Variants in CTDP1 observed in about 807,000 individuals in gnomAD.
The protein encoded by CTDP1 is CTD phosphatase 1.
Under a neutral mutation model 91.8 loss-of-function variants are expected in CTDP1, and 47 were observed. The ratio of observed to expected loss-of-function variants is 0.51; its 90% CI spans 0.41 to 0.65. CTDP1 has a LOEUF of 0.65. Ranked by LOEUF, CTDP1 falls within the 30% of genes least tolerant of loss-of-function variation. CTDP1 has a pLI of 0.00. For synonymous variants in CTDP1, 656 were observed against 598.5 expected, an observed-to-expected ratio of 1.10 and a Z score of -1.40; for missense variants, 1,272 against 1,373.7, an observed-to-expected ratio of 0.93 and a Z score of 1.17.
At chr18:79,731,421 G>A (rs762433035) in intron 11 of CTDP1, among the ~76,000 whole-genome samples, 18 of 152,292 alleles carry the variant, frequency 1.2e-4, no homozygotes, top group Admixed American at 2.6e-4. Context: ...ACTGACAAGG[G>A]CTTCCCCGCC....
intron 12 of CTDP1, 49 bp from the exon 13 acceptor site, chr18:79,753,603 C>T (rs771951720): frequency 7.4e-6 from 12 of 1,613,648 alleles, no homozygotes; most frequent in African/African-American, 6.7e-5. Flanking sequence ...GGTGACCCGG[C>T]GTTGTGCGTT....
At chr18:79,694,776 G>A (rs1055460596) in intron 1 of CTDP1, among the ~76,000 whole-genome samples, 1 of 152,222 alleles carries the variant, frequency 6.6e-6, no homozygotes, top group African/African-American at 2.4e-5. Context: ...TATATAAAAC[G>A]AACATTACAG....
rs761663035 is a variant in CTDP1, at chr18:79,714,835, G to A, written c.1375G>A (p.Glu459Lys). ...GGACTTTGACTTATCCAGCGACAGC[G>A]AGAGCAGCAGTGAGTCCGAGGGCAC... Reference protein sequence around the residue: ...DLDFDLSSDSESSSESEGTKS... With the variant: ...DLDFDLSSDSKSSSESEGTKS... The change falls in exon 8 of 13, where the codon GAG (glutamate) becomes AAG (lysine). Residue 459 changes from glutamate to lysine, a missense_variant. Coordinates refer to ENST00000613122, the MANE Select transcript of CTDP1 (RefSeq NM_004715.5). 1.3e-5 allele frequency: 20 copies of A among 1,598,388 alleles called. No homozygotes were observed. The highest frequency in any genetic ancestry group is 6.8e-5 in the South Asian group (6 of 88,752).
In CTDP1 at chr18:79,696,084, CA is replaced by C. The variant is rs774029298; in HGVS notation, c.492+15del. On this transcript the variant is annotated intron_variant, in intron 3 of 12. Coordinates refer to ENST00000613122, the MANE Select transcript of CTDP1 (RefSeq NM_004715.5). ...GTGAGCTCCGAGGTGAGCCGGGCAT[CA>C]GTGGCGGCGTGTTGGGGAAGCGTGG... 6.2e-7 allele frequency: 1 copy of C among 1,608,138 alleles called. No individual in the cohort carries two copies. The highest frequency in any genetic ancestry group is 8.5e-7 in the Non-Finnish European group (1 of 1,179,014).
intron 5 of CTDP1, among the ~76,000 whole-genome samples, chr18:79,707,143 T>C (rs957930289): frequency 1.3e-5 from 2 of 152,234 alleles, no homozygotes; most frequent in Admixed American, 6.5e-5. Flanking sequence ...GTTTAAATGC[T>C]TGGCTGGAGG....
chr18:79,718,106 G>C, intron 10 of CTDP1, 90 bp downstream of exon 10: 3 of 1,471,078 alleles, frequency 2.0e-6, no homozygotes, highest in Non-Finnish European at 2.8e-6. Flanking sequence ...TCAGTTGCCC[G>C]AAGTGAGGGC....
rs1298269356 is a variant in CTDP1 at position 79,697,982 on chromosome 18, G to C, written c.615G>C (p.Ser205=). Residue 205 remains serine (S), a synonymous_variant, in exon 4 of 13, where the codon TCG becomes TCC. Transcript: ENST00000613122. ...HTTEQHCQQM[S]NKGIFHFQLG... ...CCGAGCAGCACTGTCAGCAGATGTC[G>C]AATAAAGTGAGTGCAGTCAGCATCT... is the stretch of plus-strand genomic sequence containing the variant. 1.2e-6 allele frequency: 2 copies of C among 1,614,204 alleles called. No homozygotes were observed. The highest frequency in any genetic ancestry group is 4.5e-5 in the East Asian group (2 of 44,876).
intron 4 of CTDP1, among the ~76,000 whole-genome samples, chr18:79,704,524 G>A (rs141752632): frequency 2.6e-5 from 4 of 152,258 alleles, no homozygotes; most frequent in Admixed American, 6.5e-5. Context: ...GTGTGGAGGG[G>A]CGTGTACATG....
intron 11 of CTDP1, among the ~76,000 whole-genome samples, chr18:79,735,094 G>A (rs1439756791): frequency 1.3e-5 from 2 of 152,186 alleles, no homozygotes; most frequent in African/African-American, 4.8e-5. Flanking sequence ...CGGGGGCTGA[G>A]CTGTGATTTC....
rs1243651309 is a variant in CTDP1, at chr18:79,753,798, C to T, written c.*8C>T. The T allele has an allele frequency of 6.2e-7, 1 of 1,612,188 alleles. No individual in the cohort carries two copies. Among genetic ancestry groups the T allele is most frequent in the Non-Finnish European group, 8.5e-7 (1 of 1,179,768 alleles). ...CTCAACGACCTCATGTGAGCGCGGG[C>T]AGCGGGCAGGGACTGAAGCCTGACC... On this transcript the variant is annotated 3_prime_UTR_variant, in exon 13 of 13. Transcript: ENST00000613122.
At chr18:79,710,502 T>C in intron 6 of CTDP1, 66 bp downstream of exon 6, 1 of 1,260,570 alleles carries the variant, frequency 7.9e-7, no homozygotes, top group Non-Finnish European at 1.2e-6. Context: ...AAATCGCATC[T>C]TGAAATTTAG....
intron 1 of CTDP1, chr18:79,681,519 T>G (rs2085368301): frequency 1.0e-6 from 1 of 983,850 alleles, no homozygotes; most frequent in South Asian, 4.7e-5. Flanking sequence ...CCTAGACAGG[T>G]GAGTAACTTG....
chr18:79,692,933 A>G (rs2085654741), intron 1 of CTDP1, among the ~76,000 whole-genome samples: 1 of 152,098 alleles, frequency 6.6e-6, no homozygotes. Context: ...GGACTGGGGG[A>G]GCAGTGCCCA....
In CTDP1 at chr18:79,753,947, A is replaced by G; in HGVS notation, c.*157A>G. ...CAGAAACACATTATTTTGCAGAAAT[A>G]GGTGTTTTTAAGAAGTTTTACTACA... is the stretch of plus-strand genomic sequence containing the variant. On this transcript the variant is annotated 3_prime_UTR_variant, in exon 13 of 13. Transcript: ENST00000613122. 1.9e-6 allele frequency: 2 copies of G among 1,073,406 alleles called. No individual in the cohort carries two copies. The allele number at this position is 1,073,406 out of a possible 1,614,324, so 66.5% of individuals were successfully genotyped here.
intron 1 of CTDP1, among the ~76,000 whole-genome samples, chr18:79,690,059 A>G (rs1437266206): frequency 6.6e-6 from 1 of 152,152 alleles, no homozygotes; most frequent in Non-Finnish European, 1.5e-5. Flanking sequence ...TAGAAACCCA[A>G]GGTCTAGGTG....
intron 5 of CTDP1, among the ~76,000 whole-genome samples, chr18:79,707,498 G>A (rs951726657): frequency 6.6e-6 from 1 of 152,238 alleles, no homozygotes; most frequent in Non-Finnish European, 1.5e-5. Flanking sequence ...TTTGTTGAGC[G>A]TCACCGGGCC....
chr18:79,695,152 A>G, intron 1 of CTDP1, 73 bp from the exon 2 acceptor site: 1 of 1,432,172 alleles, frequency 7.0e-7, no homozygotes, highest in Non-Finnish European at 9.8e-7. Flanking sequence ...CTAGATTTTA[A>G]AATTCTTACT....
rs773660470 is a variant in CTDP1, at chr18:79,715,022, C to T, written c.1562C>T (p.Ala521Val). The T allele has an allele frequency of 1.0e-5, 16 of 1,600,160 alleles. No individual in the cohort carries two copies. The highest frequency in any genetic ancestry group is 3.4e-5 in the South Asian group (3 of 89,062). The change falls in exon 8 of 13, where the codon GCG (alanine) becomes GTG (valine). Residue 521 changes from alanine (A) to valine (V), a missense_variant. This residue lies in a region of CTDP1 where 881 missense variants were observed against 911.6 expected (regional missense o/e 0.97). Coordinates refer to ENST00000613122, the MANE Select transcript of CTDP1 (RefSeq NM_004715.5). ...PSLPGEAEPG[A>V]HAPDKEPELG... Reference sequence around the variant, plus strand: ...CTCCCCGGAGAGGCCGAGCCTGGCGCGCATGCCCCGGACAAGGAGCCTGAG... The same window carrying T: ...CTCCCCGGAGAGGCCGAGCCTGGCGTGCATGCCCCGGACAAGGAGCCTGAG...
upstream of CTDP1, chr18:79,679,636 G>A: frequency 2.0e-6 from 1 of 491,998 alleles, no homozygotes; most frequent in Non-Finnish European, 4.0e-6. Context: ...CCACGGTGCC[G>A]GCGCTCCGAG....
Sources: allele counts gnomAD v4.1 joint callset (sites outside exome capture counted in the v4.1 genomes callset), GRCh38; gene constraint gnomAD v4.1.1; regional missense constraint gnomAD v4.1.1; transcripts MANE v1.5; gene names NCBI Gene and HGNC (gene_info 2026-07-23, HGNC 2026-07-21).